The following PTPRD variants were observed in gnomAD, a reference collection of about 807,000 sequenced individuals.
PTPRD encodes the protein receptor-type tyrosine-protein phosphatase delta.
Under a neutral mutation model 214.5 loss-of-function variants are expected in PTPRD, and 34 were observed. The ratio of observed to expected loss-of-function variants is 0.16; its 90% CI spans 0.12 to 0.21. The LOEUF is 0.21. PTPRD is among the 10% of genes least tolerant of loss of function. PTPRD has a pLI of 1.00. For missense variants in PTPRD, 2,545 were observed against 2,398.7 expected (o/e 1.06, Z -1.27); for synonymous variants, 1,128 against 845.7 (o/e 1.33, Z -5.79).
intron 7 of PTPRD, among the ~76,000 whole-genome samples, chr9:9,598,590 TTAAC>T (rs1329212269): frequency 1.3e-5 from 2 of 152,080 alleles, no homozygotes; most frequent in Non-Finnish European, 2.9e-5. Flanking sequence ...GACCTTTTGA[TTAAC>T]TATTTTATAG....
intron 3 of PTPRD, among the ~76,000 whole-genome samples, chr9:10,057,249 T>C (rs919669167): frequency 2.0e-5 from 3 of 152,108 alleles, no homozygotes; most frequent in African/African-American, 4.8e-5. Flanking sequence ...TCTACAAACA[T>C]AGTAAACTAC....
intron 5 of PTPRD, among the ~76,000 whole-genome samples, chr9:9,808,341 C>T (rs528587417): frequency 6.6e-6 from 1 of 152,270 alleles, no homozygotes; most frequent in South Asian, 2.1e-4. Flanking sequence ...ACCTGAAGCC[C>T]TGAAAGGAAC....
At position 9,344,117 on chromosome 9, in the gene PTPRD, A is replaced by C. The variant is rs201284001; in HGVS notation, c.-203+53332T>G. ...CCAAAGATTATTTTGTTACATTGGC[A>C]TCAGACATGACAACTTACACTAAGA... On this transcript the variant is annotated intron_variant, in intron 9 of 45. Transcript: ENST00000381196. Among the ~76,000 whole-genome samples, 5 of 152,288 alleles carry C rather than the reference A, an allele frequency of 3.3e-5. No homozygotes were observed. In the East Asian group the frequency reaches 9.7e-4, roughly 29 times the overall value.
In PTPRD at chr9:9,076,243, A is replaced by AT. The variant is rs1462543246; in HGVS notation, c.-142-57509dup. Among the ~76,000 whole-genome samples the AT allele has an allele frequency of 5.3e-5, 8 of 151,666 alleles. No individual in the cohort carries two copies. In the East Asian group the frequency reaches 7.8e-4, roughly 15 times the overall value. ...ATCCACTTTTTGATGGGGTTGTTTG[A>AT]TTTTTTCTTGTAAATTTGTTTAAGT... On this transcript the variant is annotated intron_variant, in intron 10 of 45. Coordinates refer to ENST00000381196, the MANE Select transcript of PTPRD (RefSeq NM_002839.4).
chr9:9,534,720 A>G (rs1168017581), intron 8 of PTPRD, among the ~76,000 whole-genome samples: 1 of 152,076 alleles, frequency 6.6e-6, no homozygotes, highest in Non-Finnish European at 1.5e-5. Flanking sequence ...AATAGGGTAG[A>G]GAAAAGTGGA....
intron 9 of PTPRD, among the ~76,000 whole-genome samples, chr9:9,392,211 T>C (rs577194996): frequency 1.1e-4 from 16 of 152,172 alleles, no homozygotes; most frequent in South Asian, 4.1e-4. Context: ...TCTGGGCACA[T>C]TGATGACCGC....
intron 5 of PTPRD, among the ~76,000 whole-genome samples, chr9:9,798,878 T>G (rs774201582): frequency 3.9e-5 from 6 of 152,168 alleles, no homozygotes; most frequent in African/African-American, 7.2e-5. Flanking sequence ...GCATAGTGGG[T>G]GTGAATCTCT....
At chr9:10,362,818 G>A (rs540948388) in intron 2 of PTPRD, among the ~76,000 whole-genome samples, 1 of 152,036 alleles carries the variant, frequency 6.6e-6, no homozygotes, top group Non-Finnish European at 1.5e-5. Context: ...AGGTGGAGGT[G>A]GCAGTGAGCC....
Position 8,353,830 on chromosome 9 carries a change from A to ATG in PTPRD, c.4662-11854_4662-11853dup, listed in dbSNP as rs139972204. Among the ~76,000 whole-genome samples, 165 of 27,666 alleles carry ATG rather than the reference A, an allele frequency of 6.0e-3. 7 individuals are homozygous for ATG. Among genetic ancestry groups the ATG allele is most frequent in the Middle Eastern group, 0.028 (1 of 36 alleles). 18.1% of individuals were successfully genotyped at this position (27,666 alleles called of 152,430 possible). ...TTCTCAAAAAAAAATATATGTATATATGTATATATGTATATATGTATATAT... is the reference window on the plus strand; with the variant it reads ...TTCTCAAAAAAAAATATATGTATATATGTGTATATATGTATATATGTATATAT... On this transcript the variant is annotated intron_variant, in intron 39 of 45. Transcript: ENST00000381196.
At chr9:8,911,604 A>G (rs187110580) in intron 11 of PTPRD, among the ~76,000 whole-genome samples, 1 of 152,286 alleles carries the variant, frequency 6.6e-6, no homozygotes, top group East Asian at 1.9e-4. Context: ...GTGATCATAG[A>G]TTAGGTAAAG....
intron 2 of PTPRD, among the ~76,000 whole-genome samples, chr9:10,484,978 G>A (rs1331329044): frequency 6.6e-6 from 1 of 151,832 alleles, no homozygotes; most frequent in Non-Finnish European, 1.5e-5. Flanking sequence ...TCTTGTAGTA[G>A]TTTCATAGTT....
In PTPRD at chr9:9,742,214, T is replaced by C. The variant is rs117887067; in HGVS notation, c.-325-7643A>G. The stretch of plus-strand genomic sequence containing the variant: ...CATAAATGTCTTCTTTTGAGAAGTG[T>C]CTGTTCAAATTAAATTAGTAAAATT... On this transcript the variant is annotated intron_variant, in intron 6 of 45. Transcript: ENST00000381196. 2.4e-3 allele frequency among the ~76,000 whole-genome samples: 358 copies of C among 152,262 alleles called. 5 individuals are homozygous for C. The East Asian group carries it at 0.037, about 16-fold the overall frequency.
In PTPRD at chr9:9,942,440, G is replaced by C. The variant is rs867165000; in HGVS notation, c.-471-3830C>G. Among the ~76,000 whole-genome samples, 6 of 152,096 alleles carry C rather than the reference G, an allele frequency of 3.9e-5. 1 individual carries two copies. The South Asian group carries it at 1.2e-3, about 32-fold the overall frequency. ...AAAAAACCCCTTTACCTATTAAAGA[G>C]TTTATAATAAATTACTATTTATGCA... On this transcript the variant is annotated intron_variant, in intron 4 of 45. Coordinates refer to ENST00000381196, the MANE Select transcript of PTPRD (RefSeq NM_002839.4).
intron 11 of PTPRD, among the ~76,000 whole-genome samples, chr9:8,818,947 A>C (rs1376163699): frequency 6.6e-6 from 1 of 152,314 alleles, no homozygotes; most frequent in East Asian, 1.9e-4. Context: ...CTGGTAACTA[A>C]CCAGGAAAAC....
At chr9:8,951,107 G>T (rs2099099257) in intron 11 of PTPRD, among the ~76,000 whole-genome samples, 1 of 150,274 alleles carries the variant, frequency 6.7e-6, no homozygotes, top group Non-Finnish European at 1.5e-5. Context: ...AAGTTTATGT[G>T]GTTGTGTTAA....
intron 7 of PTPRD, among the ~76,000 whole-genome samples, chr9:9,660,172 G>T (rs1471565034): frequency 6.6e-6 from 1 of 151,926 alleles, no homozygotes; most frequent in Non-Finnish European, 1.5e-5. Context: ...GTGGTCAAAA[G>T]ATAAATGAGA....
chr9:8,775,087 T>A (rs7868093), intron 11 of PTPRD, among the ~76,000 whole-genome samples: 108,313 of 151,974 alleles, frequency 0.71, 38,649 homozygotes, highest in Middle Eastern at 0.81. Flanking sequence ...CCTTAAGTGA[T>A]GCAGGTACTA....
intron 11 of PTPRD, among the ~76,000 whole-genome samples, chr9:8,766,186 T>TG (rs1305084429): frequency 1.4e-5 from 2 of 139,210 alleles, no homozygotes; most frequent in South Asian, 4.5e-4. Flanking sequence ...TTACCACTGA[T>TG]GAAAAAAAAA....
At chr9:9,344,565 G>C (rs920642907) in intron 9 of PTPRD, among the ~76,000 whole-genome samples, 1 of 151,912 alleles carries the variant, frequency 6.6e-6, no homozygotes, top group Non-Finnish European at 1.5e-5. Context: ...ATATGCATTT[G>C]TGATACTTGT....
Sources: gnomAD v4.1 joint callset for allele counts (sites outside exome capture counted in the v4.1 genomes callset) on GRCh38, gnomAD v4.1.1 for gene constraint, MANE v1.5 for transcripts, NCBI Gene and HGNC (gene_info 2026-07-23, HGNC 2026-07-21) for gene names.